The following NSL1 variants were observed in gnomAD, a reference collection of about 807,000 sequenced individuals.
The protein encoded by NSL1 is kinetochore-associated protein NSL1 homolog.
A neutral mutation model predicts 25.4 loss-of-function variants in NSL1; 11 were observed. That is an observed-to-expected ratio of 0.43 (90% CI 0.27 to 0.72). The LOEUF is 0.72. Among genes scored for constraint, NSL1 ranks in the 30% least tolerant of loss-of-function variants. The pLI, the probability that NSL1 is intolerant of heterozygous loss-of-function variation, is 0.19. For synonymous variants in NSL1, 118 were observed against 120.6 expected, an observed-to-expected ratio of 0.98 and a Z score of 0.14; for missense variants, 330 against 342.7, an observed-to-expected ratio of 0.96 and a Z score of 0.29.
rs1351507953 is a variant in NSL1, at chr1:212,730,723, G to A, written c.*7685C>T. 1 of 985,248 alleles carries A rather than the reference G, an allele frequency of 1.0e-6. No individual in the cohort carries two copies. The highest frequency in any genetic ancestry group is 1.1e-4 in the East Asian group (1 of 8,832). 61.0% of individuals were successfully genotyped at this position (985,248 alleles called of 1,614,324 possible). On this transcript the variant is annotated 3_prime_UTR_variant, in exon 6 of 6. Transcript: ENST00000366977. ...TGCTCTTATGTCCTGCAGGGATATGGGAATTAGACTTAGTTCTAGTAGACG... is the reference window on the plus strand; with the variant it reads ...TGCTCTTATGTCCTGCAGGGATATGAGAATTAGACTTAGTTCTAGTAGACG...
At position 212,761,223 on chromosome 1, in the gene NSL1, A is replaced by G. The variant is rs145490355; in HGVS notation, c.499+21149T>C. Among the ~76,000 whole-genome samples, 157 of 152,334 alleles carry G rather than the reference A, an allele frequency of 1.0e-3. 1 individual carries two copies. Among genetic ancestry groups the G allele is most frequent in the Non-Finnish European group, 2.0e-3 (139 of 68,018 alleles). On this transcript the variant is annotated intron_variant, in intron 4 of 5. Coordinates refer to ENST00000366977, the MANE Select transcript of NSL1 (RefSeq NM_015471.4). ...GAAACATGACACTTCCAAAACAACTATGATAATTCTCCAGCAAAAGATTCC... is the reference window on the plus strand; with the variant it reads ...GAAACATGACACTTCCAAAACAACTGTGATAATTCTCCAGCAAAAGATTCC...
intron 4 of NSL1, among the ~76,000 whole-genome samples, chr1:212,749,120 T>C (rs1658941996): frequency 6.6e-6 from 1 of 152,196 alleles, no homozygotes; most frequent in Admixed American, 6.5e-5. Flanking sequence ...TGTATGCATG[T>C]AAATAAATTC....
Position 212,791,699 on chromosome 1 carries a change from G to C in NSL1, c.65C>G (p.Thr22Arg). 6.2e-7 allele frequency: 1 copy of C among 1,613,942 alleles called. No individual in the cohort carries two copies. The change falls in exon 1 of 6, where the codon ACA (threonine) becomes AGA (arginine). Residue 22 changes from threonine to arginine, a missense_variant. By Grantham distance (71) the Thr-to-Arg change is moderately conservative (BLOSUM62 -1). Transcript: ENST00000366977. Reference sequence around the variant, plus strand: ...GGCGGAGACCAAGGCCTGGCTCTCTGTGCCAGCCGCGAGCTCCTTGTCCCA... The same window carrying C: ...GGCGGAGACCAAGGCCTGGCTCTCTCTGCCAGCCGCGAGCTCCTTGTCCCA... Reference protein sequence around the residue: ...PPWDKELAAGTESQALVSATP... With the variant: ...PPWDKELAAGRESQALVSATP...
chr1:212,744,085 G>C (rs1291775142), intron 4 of NSL1, among the ~76,000 whole-genome samples: 1 of 152,200 alleles, frequency 6.6e-6, no homozygotes, highest in African/African-American at 2.4e-5. Context: ...GTGCAGCACA[G>C]GAAGTCAGTT....
At chr1:212,770,964 C>A (rs1049967470) in intron 4 of NSL1, among the ~76,000 whole-genome samples, 1 of 152,140 alleles carries the variant, frequency 6.6e-6, no homozygotes, top group African/African-American at 2.4e-5. Flanking sequence ...ATACTATCAT[C>A]TCAATAGATG....
intron 3 of NSL1, among the ~76,000 whole-genome samples, chr1:212,783,965 C>T (rs1660829683): frequency 6.6e-6 from 1 of 152,032 alleles, no homozygotes; most frequent in African/African-American, 2.4e-5. Context: ...ATCAATTTAA[C>T]TAAATGGTCT....
intron 1 of NSL1, among the ~76,000 whole-genome samples, chr1:212,788,802 T>C (rs1661055556): frequency 6.6e-6 from 1 of 152,176 alleles, no homozygotes; most frequent in Admixed American, 6.5e-5. Context: ...ACGCAGTACC[T>C]AAAAAGGATG....
intron 3 of NSL1, 137 bp from the exon 4 acceptor site, chr1:212,782,563 G>A (rs2102402097): frequency 3.0e-6 from 2 of 664,618 alleles, no homozygotes; most frequent in South Asian, 3.8e-5. Context: ...ACTGTCTGTA[G>A]GGAAGAGGAG....
chr1:212,749,162 TA>T (rs1658944113), intron 4 of NSL1, among the ~76,000 whole-genome samples: 1 of 152,192 alleles, frequency 6.6e-6, no homozygotes, highest in Non-Finnish European at 1.5e-5. Flanking sequence ...TATACTGCAA[TA>T]TATGTGCACA....
chr1:212,728,614 T>C lies in NSL1; in HGVS notation c.*9794A>G, dbSNP rs955894638. On this transcript the variant is annotated 3_prime_UTR_variant, in exon 6 of 6. Transcript: ENST00000366977. ...TTTATGTTAGGAAAAAAATGGTTTC[T>C]GAGAATTCTGAGGCTCTGATCTGAT... 1.0e-6 allele frequency: 1 copy of C among 985,318 alleles called. No homozygotes were observed. Among genetic ancestry groups the C allele is most frequent in the Non-Finnish European group, 1.2e-6 (1 of 829,936 alleles). The allele number at this position is 985,318 out of a possible 1,614,324, so 61.0% of individuals were successfully genotyped here.
intron 4 of NSL1, among the ~76,000 whole-genome samples, chr1:212,779,573 C>G (rs1373531127): frequency 8.7e-6 from 1 of 114,782 alleles, no homozygotes. Context: ...GTCAGCCCCC[C>G]ACCCGGCCAG....
rs1478459316 is a variant in NSL1 at position 212,760,708 on chromosome 1, G to A, written c.500-21107C>T. On this transcript the variant is annotated intron_variant, in intron 4 of 5. Transcript: ENST00000366977. This position sits in a 1 kb window ranked among gnomAD's most constrained non-coding sequence, Gnocchi z 4.3. ...TCACCAACACCACGCATACTGCCCA[G>A]GGACTCATGAAACCACCTGCCTGCC... 2.6e-5 allele frequency among the ~76,000 whole-genome samples: 4 copies of A among 152,112 alleles called. No homozygotes were observed. The highest frequency in any genetic ancestry group is 5.9e-5 in the Non-Finnish European group (4 of 68,016).
chr1:212,785,174 A>G lies in NSL1; in HGVS notation c.314-681T>C, dbSNP rs1161911572. ...GACAGTAGCAGTGAGTGGAGTAACT[A>G]GATCTGAAATAGGACTCAACTGGAT... On this transcript the variant is annotated intron_variant, in intron 2 of 5. Coordinates refer to ENST00000366977, the MANE Select transcript of NSL1 (RefSeq NM_015471.4). Among the ~76,000 whole-genome samples the G allele has an allele frequency of 2.0e-5, 3 of 152,192 alleles. No individual in the cohort carries two copies. The East Asian group carries it at 5.8e-4, about 29-fold the overall frequency.
At chr1:212,776,799 G>T (rs936520715) in intron 4 of NSL1, among the ~76,000 whole-genome samples, 3 of 151,772 alleles carry the variant, frequency 2.0e-5, no homozygotes, top group African/African-American at 7.2e-5. Context: ...AAATAGAGCT[G>T]AACTATGAAA....
At chr1:212,782,802 T>A (rs1427245857) in intron 3 of NSL1, among the ~76,000 whole-genome samples, 1 of 152,294 alleles carries the variant, frequency 6.6e-6, no homozygotes, top group South Asian at 2.1e-4. Flanking sequence ...TCAAAATGCA[T>A]ATTTCCATGA....
chr1:212,774,427 T>C (rs1399503557), intron 4 of NSL1, among the ~76,000 whole-genome samples: 1 of 152,130 alleles, frequency 6.6e-6, no homozygotes, highest in Non-Finnish European at 1.5e-5. Context: ...AGAAAATATC[T>C]GCAAATCATA....
rs1558038233 is a variant in NSL1, at chr1:212,738,521, C to CT, written c.732dup (p.Glu245ArgfsTer9). Reference sequence around the variant, plus strand: ...TCAGAGGTTTTCCTGGAAGCAGTCTCTGTTGGTGTGGTTTCTATCTGTGTT... The same window carrying CT: ...TCAGAGGTTTTCCTGGAAGCAGTCTCTTGTTGGTGTGGTTTCTATCTGTGTT... On this transcript the variant is annotated frameshift_variant, in exon 6 of 6. Transcript: ENST00000366977. LOFTEE classifies it low-confidence loss of function (END_TRUNC). 1 of 1,614,152 alleles carries CT rather than the reference C, an allele frequency of 6.2e-7. No individual in the cohort carries two copies. The highest frequency in any genetic ancestry group is 1.7e-5 in the Admixed American group (1 of 60,020).
Position 212,737,792 on chromosome 1 carries a change from G to C in NSL1, c.*616C>G. On this transcript the variant is annotated 3_prime_UTR_variant, in exon 6 of 6. Coordinates refer to ENST00000366977, the MANE Select transcript of NSL1 (RefSeq NM_015471.4). Reference sequence around the variant, plus strand: ...GCCAATTTTTATTTCAAAGAGTAATGTTGCACAAATAATAGTTATCATTGT... The same window carrying C: ...GCCAATTTTTATTTCAAAGAGTAATCTTGCACAAATAATAGTTATCATTGT... 7 of 985,378 alleles carry C rather than the reference G, an allele frequency of 7.1e-6. No individual in the cohort carries two copies. Among genetic ancestry groups the C allele is most frequent in the Non-Finnish European group, 8.4e-6 (7 of 829,886 alleles). 61.0% of individuals were successfully genotyped at this position (985,378 alleles called of 1,614,324 possible).
intron 4 of NSL1, among the ~76,000 whole-genome samples, chr1:212,781,008 T>A (rs1405769651): frequency 6.6e-6 from 1 of 152,194 alleles, no homozygotes; most frequent in Admixed American, 6.5e-5. Flanking sequence ...TCAGGTGACT[T>A]GGCCAAAGAT....
Sources: gnomAD v4.1 joint callset for allele counts (sites outside exome capture counted in the v4.1 genomes callset) on GRCh38, gnomAD v4.1.1 for gene constraint, Gnocchi (gnomAD v3.1) non-coding constraint, MANE v1.5 for transcripts, NCBI Gene and HGNC (gene_info 2026-07-23, HGNC 2026-07-21) for gene names.